The following FEZ1 variants were observed in gnomAD, a reference collection of about 807,000 sequenced individuals.
FEZ1 encodes the protein fasciculation and elongation protein zeta-1.
A neutral mutation model predicts 49.3 loss-of-function variants in FEZ1; 20 were observed. The observed-to-expected ratio is 0.41, with a 90% confidence interval of 0.29 to 0.59. FEZ1 has a LOEUF of 0.59. Ranked by LOEUF, FEZ1 falls within the 20% of genes least tolerant of loss-of-function variation. FEZ1 has a pLI of 0.36. For missense variants in FEZ1, 413 were observed against 476.0 expected (o/e 0.87, Z 1.23); for synonymous variants, 170 against 180.9 (o/e 0.94, Z 0.48).
chr11:125,481,960 C>T (rs538396978), intron 2 of FEZ1, among the ~76,000 whole-genome samples: 79 of 152,144 alleles, frequency 5.2e-4, no homozygotes, highest in African/African-American at 1.8e-3. Flanking sequence ...ATCCAAATAG[C>T]TCATGTTTCT....
At position 125,489,190 on chromosome 11, in the gene FEZ1, G is replaced by A; in HGVS notation, c.311+277C>T. On this transcript the variant is annotated intron_variant, in intron 2 of 9. Coordinates refer to ENST00000278919, the MANE Select transcript of FEZ1 (RefSeq NM_005103.5). The surrounding 1 kb of genome is among the most constrained non-coding windows in gnomAD (Gnocchi z 4.2). Reference sequence around the variant, plus strand: ...ACTGATATAAAGAAAGCTTAAGATAGACAGACCCTGAAATTTACTGTGCTC... The same window carrying A: ...ACTGATATAAAGAAAGCTTAAGATAAACAGACCCTGAAATTTACTGTGCTC... 1.8e-6 allele frequency: 2 copies of A among 1,104,126 alleles called. No individual in the cohort carries two copies. Among genetic ancestry groups the A allele is most frequent in the Non-Finnish European group, 1.1e-6 (1 of 908,094 alleles). The allele number at this position is 1,104,126 out of a possible 1,614,324, so 68.4% of individuals were successfully genotyped here.
chr11:125,460,712 G>A, intron 4 of FEZ1, 46 bp from the exon 5 acceptor site: 1 of 1,551,144 alleles, frequency 6.4e-7, no homozygotes, highest in Admixed American at 1.7e-5. Context: ...CTCTGCTAGA[G>A]GGGCATTCTG....
At chr11:125,457,790 C>G (rs535405840) in intron 5 of FEZ1, among the ~76,000 whole-genome samples, 1 of 152,092 alleles carries the variant, frequency 6.6e-6, no homozygotes, top group Admixed American at 6.6e-5. Context: ...CAATTATACT[C>G]TTTTAGTTAT....
intron 7 of FEZ1, 30 bp from the exon 8 acceptor site, chr11:125,452,439 G>C: frequency 1.4e-6 from 2 of 1,445,550 alleles, no homozygotes; most frequent in Non-Finnish European, 1.9e-6. Flanking sequence ...CAGGGGGCTT[G>C]AGACAGAAGA....
At chr11:125,451,256 G>A (rs937432772) in intron 8 of FEZ1, among the ~76,000 whole-genome samples, 1 of 152,156 alleles carries the variant, frequency 6.6e-6, no homozygotes, top group Non-Finnish European at 1.5e-5. Flanking sequence ...AGTTTACAAT[G>A]AGTTAAGGAC....
At chr11:125,480,714 T>C (rs1185520048) in intron 3 of FEZ1, among the ~76,000 whole-genome samples, 4 of 152,180 alleles carry the variant, frequency 2.6e-5, no homozygotes, top group African/African-American at 9.7e-5. Context: ...CACTTTATTT[T>C]TCATGTTGTA....
chr11:125,474,625 C>T (rs1219741098), intron 3 of FEZ1, among the ~76,000 whole-genome samples: 1 of 152,184 alleles, frequency 6.6e-6, no homozygotes, highest in African/African-American at 2.4e-5. Context: ...CACGGTGGCT[C>T]ATGCCTGTAA....
At chr11:125,464,314 T>C (rs1957104730) in intron 3 of FEZ1, among the ~76,000 whole-genome samples, 1 of 152,230 alleles carries the variant, frequency 6.6e-6, no homozygotes, top group Non-Finnish European at 1.5e-5. Flanking sequence ...ATATCTGGCT[T>C]AACTGACCAT....
rs1407221389 is a variant in FEZ1 at position 125,444,041 on chromosome 11, T to C, written c.*2054A>G. Among the ~76,000 whole-genome samples, 1 of 152,218 alleles carries C rather than the reference T, an allele frequency of 6.6e-6. No homozygotes were observed. The highest frequency in any genetic ancestry group is 2.4e-5 in the African/African-American group (1 of 41,468). On this transcript the variant is annotated 3_prime_UTR_variant, in exon 10 of 10. Transcript: ENST00000278919. ...GCCGGCAGAGTGCTAAACATGCTAATGACCTCACACCACTAATGACCCTGG... is the reference window on the plus strand; with the variant it reads ...GCCGGCAGAGTGCTAAACATGCTAACGACCTCACACCACTAATGACCCTGG...
chr11:125,493,885 C>T (rs1247717049), intron 1 of FEZ1, among the ~76,000 whole-genome samples: 1 of 152,144 alleles, frequency 6.6e-6, no homozygotes, highest in East Asian at 1.9e-4. Flanking sequence ...GATTAACCAG[C>T]AACAAGAGGC....
At chr11:125,458,805 A>T (rs1395534433) in intron 5 of FEZ1, among the ~76,000 whole-genome samples, 1 of 152,196 alleles carries the variant, frequency 6.6e-6, no homozygotes, top group East Asian at 1.9e-4. Flanking sequence ...GCAGTGGGTC[A>T]TGCCTGTAAT....
intron 5 of FEZ1, among the ~76,000 whole-genome samples, chr11:125,458,392 C>T (rs1224202186): frequency 1.3e-5 from 2 of 152,146 alleles, no homozygotes; most frequent in Admixed American, 6.5e-5. Flanking sequence ...TTCATCCAGC[C>T]GTTTCTTGTG....
chr11:125,450,253 C>T (rs1956942240), intron 8 of FEZ1, among the ~76,000 whole-genome samples: 1 of 152,190 alleles, frequency 6.6e-6, no homozygotes, highest in South Asian at 2.1e-4. Flanking sequence ...TGGTCTCAAA[C>T]TCCTGACCTC....
chr11:125,495,444 C>G lies in FEZ1; in HGVS notation c.-46+677G>C, dbSNP rs958131864. On this transcript the variant is annotated intron_variant, in intron 1 of 9. Coordinates refer to ENST00000278919, the MANE Select transcript of FEZ1 (RefSeq NM_005103.5). This position sits in a 1 kb window ranked among gnomAD's most constrained non-coding sequence, Gnocchi z 4.2. ...ATTCCAGAGCCCGGGGCCCACCCGACGGCAGCGCGCCCCGCCACCGCGCAG... is the reference window on the plus strand; with the variant it reads ...ATTCCAGAGCCCGGGGCCCACCCGAGGGCAGCGCGCCCCGCCACCGCGCAG... 2.1e-6 allele frequency: 1 copy of G among 470,350 alleles called. No individual in the cohort carries two copies. Among genetic ancestry groups the G allele is most frequent in the Non-Finnish European group, 4.4e-6 (1 of 226,584 alleles). 29.1% of individuals were successfully genotyped at this position (470,350 alleles called of 1,614,324 possible).
At position 125,456,126 on chromosome 11, in the gene FEZ1, C is replaced by G. The variant is rs773818078; in HGVS notation, c.668-20G>C. On this transcript the variant is annotated intron_variant, in intron 5 of 9. Transcript: ENST00000278919. ...TCAGCCCTGCAGGGGAAGACCGTCTCCCGCATAACACCTGCATCCACACCA... is the reference window on the plus strand; with the variant it reads ...TCAGCCCTGCAGGGGAAGACCGTCTGCCGCATAACACCTGCATCCACACCA... The G allele has an allele frequency of 6.4e-7, 1 of 1,558,646 alleles. No homozygotes were observed. Among genetic ancestry groups the G allele is most frequent in the Non-Finnish European group, 8.7e-7 (1 of 1,155,212 alleles).
Position 125,492,968 on chromosome 11 carries a change from TA to T in FEZ1, c.-45-3147del, listed in dbSNP as rs200489748. Among the ~76,000 whole-genome samples the T allele has an allele frequency of 8.6e-3, 1,073 of 124,790 alleles. 3 individuals carry two copies. Among genetic ancestry groups the T allele is most frequent in the Non-Finnish European group, 9.8e-3 (577 of 58,886 alleles). The allele number at this position is 124,790 out of a possible 152,430, so 81.9% of individuals were successfully genotyped here. A position where few individuals can be genotyped will look rare whatever the true frequency, so the allele number is the denominator to read the frequency against. On this transcript the variant is annotated intron_variant, in intron 1 of 9. Coordinates refer to ENST00000278919, the MANE Select transcript of FEZ1 (RefSeq NM_005103.5). ...GGGTGACAAAGTGAGACCCTATCTT[TA>T]AAAAAAAAAAAAAAAAAGTTAAAAA... is the stretch of plus-strand genomic sequence containing the variant.
chr11:125,448,220 T>C (rs1956915473), intron 9 of FEZ1, among the ~76,000 whole-genome samples: 1 of 152,230 alleles, frequency 6.6e-6, no homozygotes, highest in South Asian at 2.1e-4. Context: ...CCCAACTAAA[T>C]ACTAAGTAGC....
chr11:125,479,025 A>G (rs10893385), intron 3 of FEZ1, among the ~76,000 whole-genome samples: 72,075 of 151,970 alleles, frequency 0.47, 18,215 homozygotes, highest in East Asian at 0.62. Flanking sequence ...TAAGCATCAT[A>G]CCTGTAAGCA....
rs1957465628 is a variant in FEZ1, at chr11:125,495,954, G to C, written c.-46+167C>G. Reference sequence around the variant, plus strand: ...CTGAAGGGCTGGGCAGGAAGGCGACGGCCTCCCGTTGTTCCTTTCTAATCC... The same window carrying C: ...CTGAAGGGCTGGGCAGGAAGGCGACCGCCTCCCGTTGTTCCTTTCTAATCC... On this transcript the variant is annotated intron_variant, in intron 1 of 9. Transcript: ENST00000278919. This position sits in a 1 kb window ranked among gnomAD's most constrained non-coding sequence, Gnocchi z 4.2. 1 of 241,018 alleles carries C rather than the reference G, an allele frequency of 4.1e-6. No individual in the cohort carries two copies. The highest frequency in any genetic ancestry group is 5.7e-5 in the Admixed American group (1 of 17,484). 14.9% of individuals were successfully genotyped at this position (241,018 alleles called of 1,614,324 possible).
Sources: allele counts gnomAD v4.1 joint callset (sites outside exome capture counted in the v4.1 genomes callset), GRCh38; gene constraint gnomAD v4.1.1; non-coding constraint Gnocchi (gnomAD v3.1); transcripts MANE v1.5; gene names NCBI Gene and HGNC (gene_info 2026-07-23, HGNC 2026-07-21).